CNKSR1: variants seen among roughly 807,000 people sequenced by gnomAD.
CNKSR1 encodes CNK homolog protein 1.
Under a neutral mutation model 95.6 loss-of-function variants are expected in CNKSR1, and 88 were observed. The observed-to-expected ratio is 0.92, with a 90% confidence interval of 0.78 to 1.10. The LOEUF (loss-of-function observed/expected upper bound fraction) is 1.10. CNKSR1 is among the 50% of genes least tolerant of loss of function. The probability of loss-of-function intolerance (pLI) is 0.00; values close to 1 mark genes in which losing one functional copy is unlikely to be tolerated. For synonymous variants in CNKSR1, 355 were observed against 369.7 expected, an observed-to-expected ratio of 0.96 and a Z score of 0.46; for missense variants, 836 against 912.0, an observed-to-expected ratio of 0.92 and a Z score of 1.07.
chr1:26,188,476 C>A lies in CNKSR1; in HGVS notation c.1563C>A (p.Asp521Glu), dbSNP rs1285026549. 6.2e-7 allele frequency: 1 copy of A among 1,605,184 alleles called. No homozygotes were observed. The highest frequency in any genetic ancestry group is 1.1e-5 in the South Asian group (1 of 89,630). Residue 521 changes from aspartate (D) to glutamate (E), a missense_variant, in exon 18 of 21, where the codon GAC (aspartate) becomes GAA (glutamate). Coordinates refer to ENST00000361530, the MANE Select transcript of CNKSR1 (RefSeq NM_006314.3). ...CYSETEAEDP[D>E]DEAGSHSASP... ...GTGAGACCGAAGCAGAGGACCCGGA[C>A]GATGAGGCTGGGTCCCACTCAGCCT...
Position 26,183,817 on chromosome 1 carries a change from A to G in CNKSR1, c.842A>G (p.Glu281Gly), listed in dbSNP as rs781206738. The G allele has an allele frequency of 1.2e-5, 19 of 1,599,354 alleles. No individual in the cohort carries two copies. The South Asian group carries it at 2.1e-4, about 18-fold the overall frequency. The change falls in exon 9 of 21, where the codon GAG becomes GGG. Residue 281 changes from glutamate (E) to glycine (G), a missense_variant. Physicochemically the swap from Glu to Gly is moderately conservative, Grantham distance 98 (BLOSUM62 -2). Transcript: ENST00000361530. ...GTGCTGAAGAAGATCCCGATACCGG[A>G]GACCCCCCCACAGGTACCTTCCCCT... Reference protein sequence around the residue: ...SLVLKKIPIPETPPQTPPQVL... With the variant: ...SLVLKKIPIPGTPPQTPPQVL...
At chr1:26,185,294 C>T in intron 14 of CNKSR1, 108 bp downstream of exon 14, 1 of 1,201,408 alleles carries the variant, frequency 8.3e-7, no homozygotes, top group Non-Finnish European at 1.2e-6. Context: ...GCTTTGATGT[C>T]CCCATCTGTA....
At chr1:26,182,137 A>C (rs1569875719) in intron 4 of CNKSR1, 196 bp downstream of exon 4, 1 of 712,668 alleles carries the variant, frequency 1.4e-6, no homozygotes, top group East Asian at 2.7e-5. Context: ...TTTGACACTC[A>C]GGACAGGGAA....
intron 14 of CNKSR1, chr1:26,186,908 GCTC>G (rs1475352773): frequency 1.8e-4 from 85 of 472,872 alleles, no homozygotes; most frequent in Admixed American, 6.8e-5. Flanking sequence ...CGGCCTTCAG[GCTC>G]CTCTTTTTTT....
chr1:26,185,667 C>T (rs189163719), intron 14 of CNKSR1, among the ~76,000 whole-genome samples: 8 of 152,096 alleles, frequency 5.3e-5, no homozygotes, highest in Admixed American at 5.2e-4. Context: ...GCTGGGATTA[C>T]AGGCGTGAGC....
chr1:26,184,438 C>T lies in CNKSR1; in HGVS notation c.1038C>T (p.Pro346=). 1.2e-6 allele frequency: 2 copies of T among 1,613,530 alleles called. No homozygotes were observed. Among genetic ancestry groups the T allele is most frequent in the Non-Finnish European group, 1.7e-6 (2 of 1,179,836 alleles). The change falls in exon 12 of 21, where the codon CCC becomes CCT. Residue 346 remains proline, a synonymous_variant. Coordinates refer to ENST00000361530, the MANE Select transcript of CNKSR1 (RefSeq NM_006314.3). ...TTGGCCCTGAGCCCCTGCCCATCCC[C>T]CCGGAACCCCCAGCCATACTCCCAG... ...ASLGPEPLPI[P]PEPPAILPAG...
rs1206501780 is a variant in CNKSR1, at chr1:26,189,337, G to A, written c.1931G>A (p.Gly644Glu). 4 of 1,614,172 alleles carry A rather than the reference G, an allele frequency of 2.5e-6. No individual in the cohort carries two copies. Among genetic ancestry groups the A allele is most frequent in the Non-Finnish European group, 3.4e-6 (4 of 1,180,006 alleles). Residue 644 changes from glycine to glutamate, a missense_variant, in exon 21 of 21, where the codon GGA becomes GAA. Coordinates refer to ENST00000361530, the MANE Select transcript of CNKSR1 (RefSeq NM_006314.3). ...EEVLGDPELT[G>E]EKFRQWKEQN... ...GTGCTGGGTGACCCTGAGCTGACAG[G>A]AGAGAAGTTCCGCCAGTGGAAGGAG...
chr1:26,188,320 C>A lies in CNKSR1; in HGVS notation c.1528+13C>A. 1 of 1,613,896 alleles carries A rather than the reference C, an allele frequency of 6.2e-7. No homozygotes were observed. Among genetic ancestry groups the A allele is most frequent in the East Asian group, 2.2e-5 (1 of 44,858 alleles). On this transcript the variant is annotated intron_variant, in intron 17 of 20. Transcript: ENST00000361530. ...CCCCGAGAGGAAGGTAGGTGTCTCG[C>A]AGGGTTGAGTGGGAGGAACCCTCAC...
intron 14 of CNKSR1, 119 bp from the exon 15 acceptor site, chr1:26,187,049 A>G: frequency 1.3e-6 from 1 of 762,324 alleles, no homozygotes. Flanking sequence ...CTTGTTAGAG[A>G]GCCCAGGAGA....
At chr1:26,178,117 C>T (rs1030321593) in intron 1 of CNKSR1, among the ~76,000 whole-genome samples, 1 of 152,106 alleles carries the variant, frequency 6.6e-6, no homozygotes, top group African/African-American at 2.4e-5. Flanking sequence ...AGAAGGGGGC[C>T]CCTCATCATG....
intron 14 of CNKSR1, among the ~76,000 whole-genome samples, chr1:26,186,239 G>A (rs1046097565): frequency 1.3e-5 from 2 of 152,240 alleles, no homozygotes; most frequent in Non-Finnish European, 2.9e-5. Context: ...TCAGGGGTGT[G>A]AAGCAGTTTG....
At chr1:26,178,801 C>T (rs1557618371) in intron 1 of CNKSR1, among the ~76,000 whole-genome samples, 1 of 152,222 alleles carries the variant, frequency 6.6e-6, no homozygotes, top group East Asian at 1.9e-4. Flanking sequence ...ATGCCTGGGT[C>T]TATTGGGAGG....
At position 26,187,485 on chromosome 1, in the gene CNKSR1, G is replaced by A. The variant is rs2088776141; in HGVS notation, c.1454+3G>A. Reference sequence around the variant, plus strand: ...GATACCCTGACAGATCTGAGCATGTGAGTGCCGCCTCCCTTAGCCCCTACT... The same window carrying A: ...GATACCCTGACAGATCTGAGCATGTAAGTGCCGCCTCCCTTAGCCCCTACT... On this transcript the variant is annotated splice_donor_region_variant and intron_variant, in intron 16 of 20. Transcript: ENST00000361530. The A allele has an allele frequency of 1.2e-6, 2 of 1,613,888 alleles. No individual in the cohort carries two copies. Among genetic ancestry groups the A allele is most frequent in the African/African-American group, 1.3e-5 (1 of 74,898 alleles).
chr1:26,183,406 C>A lies in CNKSR1; in HGVS notation c.745C>A (p.Gln249Lys), dbSNP rs929660049. 13 of 1,614,114 alleles carry A rather than the reference C, an allele frequency of 8.1e-6. No individual in the cohort carries two copies. The highest frequency in any genetic ancestry group is 9.3e-6 in the Non-Finnish European group (11 of 1,180,002). The change falls in exon 8 of 21, where the codon CAG becomes AAG. Residue 249 changes from glutamine to lysine, a missense_variant. Coordinates refer to ENST00000361530, the MANE Select transcript of CNKSR1 (RefSeq NM_006314.3). ...PGDEVVQINEQVVVGWPRKNM... is the reference protein window; with the variant it reads ...PGDEVVQINEKVVVGWPRKNM... Reference sequence around the variant, plus strand: ...AGACGAGGTTGTCCAGATCAACGAGCAGGTGGTGGTGCGTGAGGAGAGGGA... The same window carrying A: ...AGACGAGGTTGTCCAGATCAACGAGAAGGTGGTGGTGCGTGAGGAGAGGGA...
chr1:26,189,323 C>A lies in CNKSR1; in HGVS notation c.1917C>A (p.Asp639Glu). Reference protein sequence around the residue: ...ELQVLEEVLGDPELTGEKFRQ... With the variant: ...ELQVLEEVLGEPELTGEKFRQ... ...AGGTCCTAGAAGAAGTGCTGGGTGA[C>A]CCTGAGCTGACAGGAGAGAAGTTCC... The change falls in exon 21 of 21, where the codon GAC becomes GAA. Residue 639 changes from aspartate to glutamate, a missense_variant. Physicochemically the swap from Asp to Glu is conservative, Grantham distance 45. Transcript: ENST00000361530. The A allele has an allele frequency of 6.2e-7, 1 of 1,614,172 alleles. No homozygotes were observed. Among genetic ancestry groups the A allele is most frequent in the Non-Finnish European group, 8.5e-7 (1 of 1,180,000 alleles).
At chr1:26,182,867 G>T (rs1002506511) in intron 6 of CNKSR1, among the ~76,000 whole-genome samples, 1 of 152,186 alleles carries the variant, frequency 6.6e-6, no homozygotes, top group Admixed American at 6.5e-5. Flanking sequence ...GGGAGAGGAT[G>T]TGACCTTTCT....
chr1:26,185,084 G>C lies in CNKSR1; in HGVS notation c.1206G>C (p.Trp402Cys), dbSNP rs1038976917. ...TGGGCCGGCCGGACTGTGACGGCTG[G>C]CTCCTGTTGCGAAAGGCACCGGGCG... ...RELGRPDCDG[W>C]LLLRKAPGGF... Residue 402 changes from tryptophan (W) to cysteine (C), a missense_variant, in exon 14 of 21, where the codon TGG becomes TGC. Physicochemically the swap from Trp to Cys is radical, Grantham distance 215. Coordinates refer to ENST00000361530, the MANE Select transcript of CNKSR1 (RefSeq NM_006314.3). 1 of 1,605,636 alleles carries C rather than the reference G, an allele frequency of 6.2e-7. No individual in the cohort carries two copies. Among genetic ancestry groups the C allele is most frequent in the African/African-American group, 1.3e-5 (1 of 74,878 alleles).
intron 9 of CNKSR1, 42 bp from the exon 10 acceptor site, chr1:26,184,029 C>T (rs1430778961): frequency 2.0e-6 from 3 of 1,494,252 alleles, no homozygotes; most frequent in African/African-American, 1.4e-5. Context: ...AACCTGCTTT[C>T]AGACCCCTGT....
At chr1:26,188,032 G>A (rs146340698) in intron 16 of CNKSR1, among the ~76,000 whole-genome samples, 2,500 of 151,996 alleles carry the variant, frequency 0.016, 46 homozygotes, top group African/African-American at 0.055. Context: ...AAGTGCTGGG[G>A]TGACAGACGC....
Sources: allele counts gnomAD v4.1 joint callset (sites outside exome capture counted in the v4.1 genomes callset), GRCh38; gene constraint gnomAD v4.1.1; transcripts MANE v1.5; gene names NCBI Gene and HGNC (gene_info 2026-07-23, HGNC 2026-07-21).